The following KALRN variants were observed in gnomAD, a reference collection of about 807,000 sequenced individuals.
KALRN encodes the protein kalirin.
In KALRN, 70 loss-of-function variants were observed where a neutral mutation model predicts 353.7. That is an observed-to-expected ratio of 0.20 (90% CI 0.16 to 0.24). The LOEUF (loss-of-function observed/expected upper bound fraction) is 0.24. KALRN is among the 10% of genes least tolerant of loss of function. KALRN has a pLI of 1.00. For synonymous variants in KALRN, 1,391 were observed against 1,434.8 expected, an observed-to-expected ratio of 0.97 and a Z score of 0.69; for missense variants, 2,791 against 3,756.7, an observed-to-expected ratio of 0.74 and a Z score of 6.72.
At chr3:124,250,418 C>T (rs1288440130) in intron 3 of KALRN, among the ~76,000 whole-genome samples, 1 of 152,094 alleles carries the variant, frequency 6.6e-6, no homozygotes, top group African/African-American at 2.4e-5. Flanking sequence ...TGCTCTGTCT[C>T]CTGGACAGGT....
intron 37 of KALRN, among the ~76,000 whole-genome samples, chr3:124,647,761 T>G (rs1308430905): frequency 6.6e-6 from 1 of 152,172 alleles, no homozygotes; most frequent in Non-Finnish European, 1.5e-5. Context: ...TACAATACTA[T>G]GTGATGAAAG....
chr3:124,140,981 G>A (rs1390181121), intron 1 of KALRN, among the ~76,000 whole-genome samples: 2 of 152,108 alleles, frequency 1.3e-5, no homozygotes, highest in Admixed American at 6.5e-5. Flanking sequence ...CACCTTCTCC[G>A]CAAATTTTTT....
chr3:124,599,259 A>G (rs16835639), intron 34 of KALRN, among the ~76,000 whole-genome samples: 23,530 of 152,216 alleles, frequency 0.15, 1,952 homozygotes, highest in Middle Eastern at 0.19. Context: ...TAGCCTTATC[A>G]TGCTCACATT....
At chr3:124,647,916 A>G (rs1392158749) in intron 37 of KALRN, among the ~76,000 whole-genome samples, 3 of 152,168 alleles carry the variant, frequency 2.0e-5, no homozygotes, top group African/African-American at 7.2e-5. Context: ...ACATATTTGA[A>G]TCTATTTGCA....
intron 9 of KALRN, among the ~76,000 whole-genome samples, chr3:124,338,647 T>C (rs1432237989): frequency 6.6e-6 from 1 of 152,220 alleles, no homozygotes; most frequent in Admixed American, 6.5e-5. Context: ...AGATGTCTAT[T>C]AGGTCCGCTT....
In KALRN at chr3:124,274,536, G is replaced by A. The variant is rs142081638; in HGVS notation, c.969+5281G>A. On this transcript the variant is annotated intron_variant, in intron 5 of 59. Coordinates refer to ENST00000682506, the MANE Select transcript of KALRN (RefSeq NM_001388419.1). ...CTATTCTGGAAAGGAGAAGATATTCGCACTTTGGGAGAATCCCCAAAAGAG... is the reference window on the plus strand; with the variant it reads ...CTATTCTGGAAAGGAGAAGATATTCACACTTTGGGAGAATCCCCAAAAGAG... 3.4e-3 allele frequency among the ~76,000 whole-genome samples: 522 copies of A among 152,304 alleles called. 4 individuals are homozygous for A. Among genetic ancestry groups the A allele is most frequent in the African/African-American group, 0.011 (477 of 41,572 alleles).
At chr3:124,182,506 A>G (rs1330040900) in intron 1 of KALRN, among the ~76,000 whole-genome samples, 1 of 152,234 alleles carries the variant, frequency 6.6e-6, no homozygotes, top group African/African-American at 2.4e-5. Context: ...CATCAAAGCC[A>G]GCAAGAAAGA....
At chr3:124,298,561 G>A (rs1390478710) in intron 5 of KALRN, among the ~76,000 whole-genome samples, 2 of 151,964 alleles carry the variant, frequency 1.3e-5, no homozygotes, top group East Asian at 3.9e-4. Context: ...TTTCCCTTAG[G>A]CTCTGTAATG....
At chr3:124,519,456 A>C in intron 33 of KALRN, 2 of 985,332 alleles carry the variant, frequency 2.0e-6, no homozygotes, top group Non-Finnish European at 2.4e-6. Context: ...ATATACACTC[A>C]TTTTCTAACT....
intron 1 of KALRN, among the ~76,000 whole-genome samples, chr3:124,082,949 C>T (rs2149326481): frequency 6.6e-6 from 1 of 152,366 alleles, no homozygotes; most frequent in African/African-American, 2.4e-5. Context: ...ACCTGTATTC[C>T]TCTCTGAGAG....
intron 6 of KALRN, among the ~76,000 whole-genome samples, chr3:124,324,801 T>G (rs1169714795): frequency 6.6e-6 from 1 of 152,230 alleles, no homozygotes; most frequent in African/African-American, 2.4e-5. Context: ...TCATTAAACC[T>G]ACTCAGTATT....
In KALRN at chr3:124,522,308, C is replaced by T. The variant is rs148522638; in HGVS notation, c.4935+25895C>T. Among the ~76,000 whole-genome samples, 373 of 151,860 alleles carry T rather than the reference C, an allele frequency of 2.5e-3. 2 individuals are homozygous for T. Among genetic ancestry groups the T allele is most frequent in the African/African-American group, 8.6e-3 (354 of 41,402 alleles). On this transcript the variant is annotated intron_variant, in intron 33 of 59. Transcript: ENST00000682506. ...ATATACATATGTACATATACACATA[C>T]ATATATATACTATACATATACAAAT...
chr3:124,140,526 A>G (rs545738590), intron 1 of KALRN, among the ~76,000 whole-genome samples: 98 of 152,162 alleles, frequency 6.4e-4, no homozygotes, highest in Non-Finnish European at 1.4e-3. Flanking sequence ...TCTGAATCCA[A>G]AATCTTATCC....
intron 1 of KALRN, chr3:124,096,612 T>C (rs1044291148): frequency 2.6e-5 from 4 of 152,190 alleles, no homozygotes; most frequent in African/African-American, 9.7e-5. Context: ...AATCCATGAG[T>C]CACAAACTTA....
chr3:124,647,037 G>A (rs2082842668), intron 37 of KALRN, among the ~76,000 whole-genome samples: 1 of 151,854 alleles, frequency 6.6e-6, no homozygotes, highest in Admixed American at 6.6e-5. Flanking sequence ...GTCTTAGAAG[G>A]TAAAGTTTCT....
intron 1 of KALRN, among the ~76,000 whole-genome samples, chr3:124,048,430 T>G (rs1001965238): frequency 6.6e-6 from 1 of 152,174 alleles, no homozygotes; most frequent in Non-Finnish European, 1.5e-5. Context: ...TGCAACTTGT[T>G]TTTATCATTT....
intron 13 of KALRN, among the ~76,000 whole-genome samples, chr3:124,412,696 C>T (rs979072548): frequency 6.6e-6 from 1 of 152,212 alleles, no homozygotes; most frequent in Non-Finnish European, 1.5e-5. Context: ...TGTTTGCATT[C>T]ATTACATGCT....
intron 12 of KALRN, 37 bp from the exon 13 acceptor site, chr3:124,398,660 G>T (rs1391298708): frequency 5.6e-6 from 9 of 1,610,024 alleles, no homozygotes; most frequent in Non-Finnish European, 6.8e-6. Flanking sequence ...ACATGGAAAG[G>T]CCTCTCCCTC....
chr3:124,214,891 T>C (rs1284369238), intron 1 of KALRN, among the ~76,000 whole-genome samples: 1 of 152,168 alleles, frequency 6.6e-6, no homozygotes, highest in Non-Finnish European at 1.5e-5. Flanking sequence ...TCCCCAGACC[T>C]CTCTCCACAG....
Sources: gnomAD v4.1 joint callset for allele counts (sites outside exome capture counted in the v4.1 genomes callset) on GRCh38, gnomAD v4.1.1 for gene constraint, MANE v1.5 for transcripts, NCBI Gene and HGNC (gene_info 2026-07-23, HGNC 2026-07-21) for gene names.